The following AOPEP variants were observed in gnomAD, a reference collection of about 807,000 sequenced individuals.
AOPEP encodes the protein aminopeptidase O.
AOPEP carries 77 observed loss-of-function variants against 98.1 expected under a neutral mutation model. The observed-to-expected ratio is 0.78, with a 90% CI of 0.65 to 0.95. The LOEUF is 0.95. AOPEP is among the 40% of genes least tolerant of loss of function. The probability of loss-of-function intolerance (pLI) is 0.00; values close to 1 mark genes in which losing one functional copy is unlikely to be tolerated. For missense variants in AOPEP, 1,024 were observed against 1,024.7 expected (o/e 1.00, Z 0.01); for synonymous variants, 346 against 365.3 (o/e 0.95, Z 0.60).
chr9:94,752,357 TCTCA>T (rs1179251930), intron 1 of AOPEP, among the ~76,000 whole-genome samples: 1 of 142,910 alleles, frequency 7.0e-6, no homozygotes, highest in Admixed American at 7.0e-5. Flanking sequence ...TCTCTCTCTC[TCTCA>T]CACACACACA....
chr9:94,787,177 A>G (rs536675121), intron 3 of AOPEP, among the ~76,000 whole-genome samples: 1 of 152,250 alleles, frequency 6.6e-6, no homozygotes, highest in South Asian at 2.1e-4. Flanking sequence ...TGTTACCACT[A>G]TTGCTATCTC....
chr9:94,764,868 G>T (rs1839194459), intron 2 of AOPEP, among the ~76,000 whole-genome samples: 1 of 151,942 alleles, frequency 6.6e-6, no homozygotes, highest in South Asian at 2.1e-4. Context: ...TTTATTTTTA[G>T]TTTTTATTTT....
chr9:95,087,573 T>C (rs1222460772), downstream of AOPEP, among the ~76,000 whole-genome samples: 2 of 151,722 alleles, frequency 1.3e-5, no homozygotes, highest in African/African-American at 2.4e-5. Context: ...CTAGTTTCTT[T>C]GTTGTTTTCA....
At chr9:94,874,356 C>A (rs923023201) in intron 5 of AOPEP, among the ~76,000 whole-genome samples, 1 of 151,856 alleles carries the variant, frequency 6.6e-6, no homozygotes, top group East Asian at 1.9e-4. Flanking sequence ...CAAACAGCAT[C>A]TAAAAGAACA....
At chr9:95,087,817 C>T (rs528308070), downstream of AOPEP, among the ~76,000 whole-genome samples, 5 of 152,306 alleles carry the variant, frequency 3.3e-5, no homozygotes, top group South Asian at 2.1e-4. Flanking sequence ...GCTGTAGGAA[C>T]GGGTGCAGCC....
intron 11 of AOPEP, among the ~76,000 whole-genome samples, chr9:94,995,740 T>C (rs766742444): frequency 3.9e-5 from 6 of 152,200 alleles, no homozygotes; most frequent in Admixed American, 2.6e-4. Context: ...TTTAATAAGA[T>C]TCTAACATAC....
chr9:94,946,036 C>T (rs569486804), intron 7 of AOPEP, among the ~76,000 whole-genome samples: 21 of 152,120 alleles, frequency 1.4e-4, no homozygotes, highest in Non-Finnish European at 2.2e-4. Context: ...AGCTCTACCC[C>T]GCCCCAAACA....
chr9:94,774,336 G>C (rs1482931807), intron 3 of AOPEP, among the ~76,000 whole-genome samples: 1 of 147,406 alleles, frequency 6.8e-6, no homozygotes. Context: ...AAAAAAAAGG[G>C]CATCTCCTTC....
At chr9:95,108,975 T>A in the AOPEP span, among the ~76,000 whole-genome samples, 1 of 151,852 alleles carries the variant, frequency 6.6e-6, no homozygotes. Context: ...GTGCAATCTC[T>A]ACTCACTGCA....
intron 5 of AOPEP, among the ~76,000 whole-genome samples, chr9:94,910,589 G>A (rs1588845632): frequency 6.6e-6 from 1 of 152,334 alleles, no homozygotes; most frequent in South Asian, 2.1e-4. Context: ...ACACTGAGTG[G>A]GCAAAGGACA....
chr9:94,785,027 G>A (rs959208053), intron 3 of AOPEP, among the ~76,000 whole-genome samples: 2 of 151,902 alleles, frequency 1.3e-5, no homozygotes, highest in Non-Finnish European at 2.9e-5. Context: ...TCCGCCTCCC[G>A]GGGTTCAAGT....
rs1329420530 is a variant in AOPEP at position 94,857,015 on chromosome 9, T to C, written c.1364+56013T>C. 2.6e-5 allele frequency among the ~76,000 whole-genome samples: 4 copies of C among 152,256 alleles called. No individual in the cohort carries two copies. The East Asian group carries it at 7.7e-4, about 29-fold the overall frequency. On this transcript the variant is annotated intron_variant, in intron 5 of 16. Transcript: ENST00000375315. ...CAGTTTTTCGTCTATAAAATGGGGC[T>C]GTTGAACTTAAAAGTTCTTTCCTGC...
At chr9:95,014,218 G>A (rs952251501) in intron 13 of AOPEP, among the ~76,000 whole-genome samples, 1 of 152,038 alleles carries the variant, frequency 6.6e-6, no homozygotes, top group Admixed American at 6.5e-5. Flanking sequence ...TGTAATCCCA[G>A]TACTTTGGGA....
chr9:94,774,306 C>A (rs1588144352), intron 3 of AOPEP, among the ~76,000 whole-genome samples: 1 of 92,802 alleles, frequency 1.1e-5, no homozygotes, highest in South Asian at 4.3e-4. Context: ...AGTGAGACTC[C>A]ATCTCAAAAA....
At chr9:94,884,168 C>T (rs1005121432) in intron 5 of AOPEP, among the ~76,000 whole-genome samples, 23 of 152,228 alleles carry the variant, frequency 1.5e-4, no homozygotes, top group African/African-American at 5.3e-4. Flanking sequence ...GATTCTGAGA[C>T]AGATGGCGAG....
At chr9:95,018,780 A>G (rs1467662966) in intron 13 of AOPEP, 1 of 152,240 alleles carries the variant, frequency 6.6e-6, no homozygotes, top group African/African-American at 2.4e-5. Context: ...CTGTCTCCAC[A>G]GTGACTGTGC....
chr9:95,060,944 A>C (rs2067267912), intron 14 of AOPEP, 134 bp downstream of exon 14: 1 of 672,356 alleles, frequency 1.5e-6, no homozygotes, highest in South Asian at 1.7e-5. Context: ...TGTATGAGTG[A>C]AGAACTAAGT....
chr9:95,140,684 CCAGA>C, the AOPEP span, among the ~76,000 whole-genome samples: 1 of 152,088 alleles, frequency 6.6e-6, no homozygotes, highest in East Asian at 1.9e-4. Flanking sequence ...GTTTGGGTTG[CCAGA>C]CAAACTCACA....
intron 5 of AOPEP, among the ~76,000 whole-genome samples, chr9:94,921,507 A>T (rs2053617028): frequency 6.6e-6 from 1 of 152,232 alleles, no homozygotes; most frequent in Non-Finnish European, 1.5e-5. Flanking sequence ...AAAGAGGTTA[A>T]ATCTACTTAA....
Sources: allele counts gnomAD v4.1 joint callset (sites outside exome capture counted in the v4.1 genomes callset), GRCh38; gene constraint gnomAD v4.1.1; transcripts MANE v1.5; gene names NCBI Gene and HGNC (gene_info 2026-07-23, HGNC 2026-07-21).